The following CNTN5 variants were observed in gnomAD, a reference collection of about 807,000 sequenced individuals.
CNTN5 encodes contactin 5.
In CNTN5, 77 loss-of-function variants were observed where a neutral mutation model predicts 129.1. The ratio of observed to expected loss-of-function variants is 0.60; its 90% confidence interval spans 0.50 to 0.72. The LOEUF (loss-of-function observed/expected upper bound fraction) is 0.72. Among genes scored for constraint, CNTN5 ranks in the 30% least tolerant of loss-of-function variants. The probability of loss-of-function intolerance (pLI) is 0.00; values close to 1 mark genes in which losing one functional copy is unlikely to be tolerated. For missense variants in CNTN5, 1,478 were observed against 1,328.8 expected (o/e 1.11, Z -1.75); for synonymous variants, 509 against 465.6 (o/e 1.09, Z -1.20).
At chr11:100,116,537 G>A (rs1354280320) in intron 13 of CNTN5, among the ~76,000 whole-genome samples, 2 of 151,290 alleles carry the variant, frequency 1.3e-5, no homozygotes, top group Non-Finnish European at 2.9e-5. Flanking sequence ...TAATGAACTT[G>A]GTTACCTAAA....
At chr11:99,860,800 A>C (rs1948179366) in intron 6 of CNTN5, among the ~76,000 whole-genome samples, 1 of 152,016 alleles carries the variant, frequency 6.6e-6, no homozygotes, top group South Asian at 2.1e-4. Context: ...TGTTGTTGTT[A>C]CATATGAATT....
intron 21 of CNTN5, among the ~76,000 whole-genome samples, chr11:100,326,535 C>T (rs768482084): frequency 1.5e-4 from 23 of 152,290 alleles, no homozygotes; most frequent in African/African-American, 5.1e-4. Context: ...GTTTAAGCTA[C>T]GCTCATTTCT....
intron 8 of CNTN5, among the ~76,000 whole-genome samples, chr11:99,994,112 C>T (rs1343214338): frequency 1.3e-5 from 2 of 152,052 alleles, no homozygotes; most frequent in South Asian, 2.1e-4. Context: ...AAAATTACCC[C>T]CCAAATACTA....
intron 6 of CNTN5, among the ~76,000 whole-genome samples, chr11:99,851,185 T>C (rs1947862898): frequency 6.6e-6 from 1 of 152,104 alleles, no homozygotes; most frequent in Non-Finnish European, 1.5e-5. Context: ...TCAGCTTAGT[T>C]AGTGTTAACA....
intron 13 of CNTN5, among the ~76,000 whole-genome samples, chr11:100,181,117 A>AT (rs1298714391): frequency 6.6e-6 from 1 of 152,010 alleles, no homozygotes; most frequent in Admixed American, 6.6e-5. Context: ...GCTTGTAGCA[A>AT]TTTTGTTTGT....
At chr11:99,231,169 A>T (rs1860974943) in intron 1 of CNTN5, among the ~76,000 whole-genome samples, 1 of 152,214 alleles carries the variant, frequency 6.6e-6, no homozygotes, top group Non-Finnish European at 1.5e-5. Context: ...GTATATACCC[A>T]GTAACGGAAT....
intron 1 of CNTN5, among the ~76,000 whole-genome samples, chr11:99,105,737 C>A (rs557929228): frequency 1.2e-4 from 19 of 152,146 alleles, no homozygotes; most frequent in Admixed American, 7.9e-4. Context: ...TAGATTGAGT[C>A]TGGGGTAATG....
chr11:99,073,800 A>C (rs1865444072), intron 1 of CNTN5, among the ~76,000 whole-genome samples: 2 of 151,704 alleles, frequency 1.3e-5, no homozygotes, highest in Non-Finnish European at 1.5e-5. Flanking sequence ...CTATCTTCCA[A>C]GTCTTTGCTA....
chr11:99,842,939 A>T (rs1947560674), intron 4 of CNTN5, among the ~76,000 whole-genome samples: 1 of 152,168 alleles, frequency 6.6e-6, no homozygotes, highest in Admixed American at 6.5e-5. Context: ...GCTCAAAAAA[A>T]GTGCAGCTAG....
chr11:99,409,787 C>T (rs1942306092), intron 2 of CNTN5, among the ~76,000 whole-genome samples: 1 of 151,852 alleles, frequency 6.6e-6, no homozygotes, highest in African/African-American at 2.4e-5. Flanking sequence ...GGCAAAATGA[C>T]CTAATAATTG....
At chr11:99,283,332 T>G (rs2135895231) in intron 1 of CNTN5, among the ~76,000 whole-genome samples, 1 of 152,236 alleles carries the variant, frequency 6.6e-6, no homozygotes, top group Non-Finnish European at 1.5e-5. Flanking sequence ...GCTAAAAATT[T>G]TAGCTAAAAA....
intron 1 of CNTN5, among the ~76,000 whole-genome samples, chr11:99,248,999 G>A (rs4604839): frequency 7.1e-4 from 108 of 152,140 alleles, no homozygotes; most frequent in Non-Finnish European, 9.6e-4. Context: ...CCAATTCTGC[G>A]AAGAAAGTCA....
intron 13 of CNTN5, among the ~76,000 whole-genome samples, chr11:100,113,698 T>C (rs1436684223): frequency 6.6e-6 from 1 of 152,038 alleles, no homozygotes; most frequent in Non-Finnish European, 1.5e-5. Context: ...ATGGGTCACA[T>C]TTCTGTCAGC....
chr11:99,836,191 C>G (rs1249671030), intron 4 of CNTN5, among the ~76,000 whole-genome samples: 1 of 149,290 alleles, frequency 6.7e-6, no homozygotes, highest in African/African-American at 2.5e-5. Context: ...ATGTGCGCAA[C>G]GTGCAGGTTT....
At chr11:99,341,137 T>A (rs1209920672) in intron 2 of CNTN5, among the ~76,000 whole-genome samples, 3 of 152,132 alleles carry the variant, frequency 2.0e-5, no homozygotes, top group African/African-American at 7.2e-5. Flanking sequence ...TTCAATACCA[T>A]CTTGTAACTG....
intron 9 of CNTN5, among the ~76,000 whole-genome samples, chr11:100,010,302 C>T (rs1477287478): frequency 6.6e-6 from 1 of 151,958 alleles, no homozygotes; most frequent in African/African-American, 2.4e-5. Context: ...CAGAAAGCAG[C>T]TACCATCTCT....
rs140394845 is a variant in CNTN5, at chr11:99,496,350, T to C, written c.-70-59795T>C. Among the ~76,000 whole-genome samples the C allele has an allele frequency of 1.5e-3, 222 of 152,260 alleles. 2 individuals are homozygous for C. Among genetic ancestry groups the C allele is most frequent in the African/African-American group, 5.0e-3 (209 of 41,554 alleles). ...GTGCAGTGGCCAGATCTCGGCTCAC[T>C]GCAGTGAAAATGATTTTTTTAAGTG... On this transcript the variant is annotated intron_variant, in intron 2 of 24. Transcript: ENST00000524871.
chr11:99,425,323 G>T (rs923799195), intron 2 of CNTN5, among the ~76,000 whole-genome samples: 3 of 152,214 alleles, frequency 2.0e-5, no homozygotes, highest in Non-Finnish European at 4.4e-5. Context: ...TTGTTTTGGA[G>T]GTAGGGTTTC....
chr11:99,030,671 G>C (rs1863327467), intron 1 of CNTN5, among the ~76,000 whole-genome samples: 1 of 151,438 alleles, frequency 6.6e-6, no homozygotes, highest in South Asian at 2.1e-4. Context: ...AATTAATAAT[G>C]TTCCCCAATT....
Sources: gnomAD v4.1 joint callset for allele counts (sites outside exome capture counted in the v4.1 genomes callset) on GRCh38, gnomAD v4.1.1 for gene constraint, MANE v1.5 for transcripts, NCBI Gene and HGNC (gene_info 2026-07-23, HGNC 2026-07-21) for gene names.